Variants in TUSC3 observed in about 807,000 individuals in gnomAD.
TUSC3 encodes the protein tumor suppressor candidate 3.
Under a neutral mutation model 44.8 loss-of-function variants are expected in TUSC3, and 45 were observed. The ratio of observed to expected loss-of-function variants is 1.00; its 90% CI spans 0.79 to 1.29. The LOEUF (loss-of-function observed/expected upper bound fraction) is 1.29, where lower values mean the gene tolerates loss of function less well. Ranked by LOEUF, TUSC3 falls within the 50% of genes most tolerant of loss-of-function variation. TUSC3 has a pLI of 0.00. For synonymous variants in TUSC3, 212 were observed against 152.9 expected (o/e 1.39, Z -2.85); for missense variants, 519 against 437.9 (o/e 1.19, Z -1.65).
At chr8:15,817,446 A>C in the TUSC3 span, among the ~76,000 whole-genome samples, 1 of 152,258 alleles carries the variant, frequency 6.6e-6, no homozygotes, top group East Asian at 1.9e-4. Context: ...CTTGGTCTCC[A>C]CCTAAATCTC....
chr8:15,473,757 C>T (rs936022951), intron 1 of TUSC3, among the ~76,000 whole-genome samples: 2 of 152,112 alleles, frequency 1.3e-5, no homozygotes, highest in Non-Finnish European at 2.9e-5. Context: ...GGGCAAAAAG[C>T]AGAACAAAGA....
In TUSC3 at chr8:15,720,985, T is replaced by C. The variant is rs1253183906; in HGVS notation, c.799-9681T>C. 3.3e-5 allele frequency among the ~76,000 whole-genome samples: 5 copies of C among 152,012 alleles called. No individual in the cohort carries two copies. In the East Asian group the frequency reaches 9.6e-4, roughly 29 times the overall value. Reference sequence around the variant, plus strand: ...GCATTTTCATGTGAATACTGAAGAGTATTATGGACATTCGTATTCATAGGT... The same window carrying C: ...GCATTTTCATGTGAATACTGAAGAGCATTATGGACATTCGTATTCATAGGT... On this transcript the variant is annotated intron_variant, in intron 6 of 10. Transcript: ENST00000503731.
rs62504189 is a variant in TUSC3, at chr8:15,560,363, T to G, written c.138+19795T>G. Among the ~76,000 whole-genome samples, 34 of 122,030 alleles carry G rather than the reference T, an allele frequency of 2.8e-4. 2 individuals are homozygous for G. The East Asian group carries it at 8.5e-3, about 31-fold the overall frequency. The allele number at this position is 122,030 out of a possible 152,430, so 80.1% of individuals were successfully genotyped here. A position where few individuals can be genotyped will look rare whatever the true frequency, so the allele number is the denominator to read the frequency against. ...CTCTTCTGGCTTGTAGGGTTTCTGC[T>G]GAGAGATCCGCTGTTAGTCTGATGG... On this transcript the variant is annotated intron_variant, in intron 1 of 10. Transcript: ENST00000503731.
At chr8:15,730,519 T>C (rs1810676280) in intron 6 of TUSC3, 147 bp from the exon 7 acceptor site, 1 of 781,224 alleles carries the variant, frequency 1.3e-6, no homozygotes, top group African/African-American at 1.7e-5. Context: ...CTAATAATCA[T>C]TTAAAATAAT....
At chr8:15,468,459 T>C (rs151295090) in intron 1 of TUSC3, among the ~76,000 whole-genome samples, 172 of 152,294 alleles carry the variant, frequency 1.1e-3, no homozygotes, top group Non-Finnish European at 1.8e-3. Flanking sequence ...TCTCTGCTTA[T>C]GCAGAGACAT....
chr8:15,767,339 G>A (rs944430576), downstream of TUSC3, among the ~76,000 whole-genome samples: 1 of 151,564 alleles, frequency 6.6e-6, no homozygotes, highest in South Asian at 2.1e-4. Context: ...CCCAAATGTG[G>A]ATACATCTAT....
intron 1 of TUSC3, among the ~76,000 whole-genome samples, chr8:15,433,322 G>T (rs1799900568): frequency 1.3e-5 from 2 of 152,056 alleles, no homozygotes; most frequent in African/African-American, 4.8e-5. Flanking sequence ...CAAATTTGGT[G>T]TCAGTGAGTG....
At chr8:15,625,720 C>G (rs1050632703) in intron 2 of TUSC3, among the ~76,000 whole-genome samples, 1 of 152,156 alleles carries the variant, frequency 6.6e-6, no homozygotes, top group Non-Finnish European at 1.5e-5. Flanking sequence ...ATCAGTTTTA[C>G]TCAGGTTAGG....
At chr8:15,454,479 A>G (rs1337384996) in intron 1 of TUSC3, among the ~76,000 whole-genome samples, 1 of 152,212 alleles carries the variant, frequency 6.6e-6, no homozygotes, top group Non-Finnish European at 1.5e-5. Context: ...GATTTGATTT[A>G]GCTAAAGGAA....
chr8:15,508,630 T>C (rs948546988), intron 2 of TUSC3, among the ~76,000 whole-genome samples: 1 of 151,828 alleles, frequency 6.6e-6, no homozygotes, highest in African/African-American at 2.4e-5. Flanking sequence ...CCCGGCTAAT[T>C]TTTTGTATTT....
intron 4 of TUSC3, among the ~76,000 whole-genome samples, chr8:15,660,754 A>T (rs1038414546): frequency 2.6e-5 from 4 of 151,820 alleles, no homozygotes; most frequent in Admixed American, 2.0e-4. Context: ...ATATTTTGTT[A>T]TGCAATGTAT....
chr8:15,653,717 G>A (rs1051968875), intron 3 of TUSC3, among the ~76,000 whole-genome samples: 1 of 152,192 alleles, frequency 6.6e-6, no homozygotes, highest in African/African-American at 2.4e-5. Flanking sequence ...TTAATCTACA[G>A]AAGTGGAGAA....
At chr8:15,663,068 C>T (rs1000608923) in intron 5 of TUSC3, among the ~76,000 whole-genome samples, 2 of 151,668 alleles carry the variant, frequency 1.3e-5, no homozygotes, top group Non-Finnish European at 2.9e-5. Context: ...CAGCTCACAG[C>T]CAATAGCCGA....
At position 15,660,126 on chromosome 8, in the gene TUSC3, C is replaced by T. The variant is rs142024431; in HGVS notation, c.567+479C>T. Among the ~76,000 whole-genome samples the T allele has an allele frequency of 1.9e-3, 288 of 151,950 alleles. 1 individual carries two copies. The highest frequency in any genetic ancestry group is 6.6e-3 in the African/African-American group (272 of 41,474). On this transcript the variant is annotated intron_variant, in intron 4 of 10. Coordinates refer to ENST00000503731, the MANE Select transcript of TUSC3 (RefSeq NM_006765.4). The stretch of plus-strand genomic sequence containing the variant: ...TGTATGTAATTTAACTTAACAATTC[C>T]GCTTCTAGGAATTTAACCTAAGGAT...
the TUSC3 span, among the ~76,000 whole-genome samples, chr8:15,846,038 G>C: frequency 3.3e-5 from 5 of 152,092 alleles, no homozygotes; most frequent in African/African-American, 4.8e-5. Flanking sequence ...AAACCCATGA[G>C]ATCTCGTGAG....
chr8:15,660,567 G>A (rs961667882), intron 4 of TUSC3, among the ~76,000 whole-genome samples: 2 of 151,860 alleles, frequency 1.3e-5, no homozygotes, highest in Non-Finnish European at 2.9e-5. Context: ...CGTTCGTGCA[G>A]GCAGTAATAC....
the TUSC3 span, among the ~76,000 whole-genome samples, chr8:15,790,612 T>G: frequency 2.5e-3 from 385 of 152,248 alleles, 1 homozygote; most frequent in African/African-American, 8.9e-3. Flanking sequence ...TCATCCTGTT[T>G]GACCCAGGAA....
chr8:15,643,963 A>G (rs1806501100), intron 2 of TUSC3, among the ~76,000 whole-genome samples: 2 of 152,302 alleles, frequency 1.3e-5, no homozygotes, highest in African/African-American at 4.8e-5. Context: ...ATATAACTGT[A>G]AAGACATACA....
chr8:15,520,711 C>A (rs745792136), intron 2 of TUSC3, among the ~76,000 whole-genome samples: 4 of 152,320 alleles, frequency 2.6e-5, no homozygotes, highest in Non-Finnish European at 2.9e-5. Context: ...TCTACCTATG[C>A]AATTCCGTTC....
Sources: gnomAD v4.1 joint callset for allele counts (sites outside exome capture counted in the v4.1 genomes callset) on GRCh38, gnomAD v4.1.1 for gene constraint, MANE v1.5 for transcripts, NCBI Gene and HGNC (gene_info 2026-07-23, HGNC 2026-07-21) for gene names.